The following USP33 variants were observed in gnomAD, a reference collection of about 807,000 sequenced individuals.
USP33 encodes ubiquitin specific peptidase 33.
In USP33, 46 loss-of-function variants were observed where a neutral mutation model predicts 124.2. The ratio of observed to expected loss-of-function variants is 0.37; its 90% confidence interval spans 0.29 to 0.47. The LOEUF (loss-of-function observed/expected upper bound fraction) is 0.47. Ranked by LOEUF, USP33 falls within the 20% of genes least tolerant of loss-of-function variation. The pLI is 0.99. For missense variants in USP33, 851 were observed against 1,070.6 expected (o/e 0.79, Z 2.86); for synonymous variants, 350 against 352.3 (o/e 0.99, Z 0.07).
At chr1:77,699,726 T>C (rs191118621) in intron 22 of USP33, among the ~76,000 whole-genome samples, 16 of 152,292 alleles carry the variant, frequency 1.1e-4, no homozygotes, top group African/African-American at 3.9e-4. Flanking sequence ...CATTCTATTA[T>C]AAAGATACAT....
At chr1:77,728,243 T>A (rs1363083646) in intron 10 of USP33, 52 bp downstream of exon 10, 5 of 1,492,298 alleles carry the variant, frequency 3.4e-6, no homozygotes, top group Non-Finnish European at 4.5e-6. Flanking sequence ...TAAACACCCA[T>A]GTCTACAAAT....
intron 11 of USP33, among the ~76,000 whole-genome samples, chr1:77,724,102 G>A (rs1299486497): frequency 6.6e-6 from 1 of 152,092 alleles, no homozygotes; most frequent in Admixed American, 6.5e-5. Context: ...CAAGTCAAAA[G>A]AAGAGGGGAA....
intron 1 of USP33, among the ~76,000 whole-genome samples, chr1:77,743,322 C>CT (rs1197638448): frequency 3.9e-5 from 6 of 152,036 alleles, no homozygotes; most frequent in Non-Finnish European, 8.8e-5. Flanking sequence ...TTTTATTATA[C>CT]TTTAAGTTCT....
intron 15 of USP33, 76 bp downstream of exon 15, chr1:77,721,096 T>A (rs1676513104): frequency 6.5e-7 from 1 of 1,534,794 alleles, no homozygotes; most frequent in African/African-American, 1.4e-5. Flanking sequence ...GTGGCAAATT[T>A]AACTCCACAT....
chr1:77,758,615 C>A (rs1681026321), intron 1 of USP33, among the ~76,000 whole-genome samples: 1 of 152,068 alleles, frequency 6.6e-6, no homozygotes, highest in African/African-American at 2.4e-5. Flanking sequence ...AGTATGAATT[C>A]ACTAACAATA....
At chr1:77,711,039 T>G (rs1015288067) in intron 21 of USP33, among the ~76,000 whole-genome samples, 2 of 152,120 alleles carry the variant, frequency 1.3e-5, no homozygotes, top group African/African-American at 4.8e-5. Context: ...AGTGAGTATA[T>G]TTATAAGCCC....
Position 77,713,275 on chromosome 1 carries a change from G to C in USP33, c.2222C>G (p.Pro741Arg). 1 of 1,567,846 alleles carries C rather than the reference G, an allele frequency of 6.4e-7. No homozygotes were observed. The highest frequency in any genetic ancestry group is 8.6e-7 in the Non-Finnish European group (1 of 1,165,792). ...TTCAATATAACCAGCTTTTCTTGGA[G>C]GAACACCTAAAAAAATATATAAACA... ...NDFLCIHGGV[P>R]PRKAGYIEDL... The change falls in exon 20 of 24, where the codon CCT (proline) becomes CGT (arginine). Residue 741 changes from proline to arginine, a missense_variant. Physicochemically the swap from Pro to Arg is moderately radical, Grantham distance 103 (BLOSUM62 -2). Coordinates refer to ENST00000370794, the MANE Select transcript of USP33 (RefSeq NM_201624.3).
At chr1:77,702,171 A>C (rs941046194) in intron 21 of USP33, among the ~76,000 whole-genome samples, 14 of 124,886 alleles carry the variant, frequency 1.1e-4, no homozygotes, top group Non-Finnish European at 1.8e-4. Flanking sequence ...AAAAAAAAAA[A>C]AAAAAACCAG....
At chr1:77,755,614 C>T (rs1252688407) in intron 1 of USP33, among the ~76,000 whole-genome samples, 2 of 152,204 alleles carry the variant, frequency 1.3e-5, no homozygotes, top group African/African-American at 4.8e-5. Flanking sequence ...GTGAGAACTG[C>T]TTGAACGCAG....
intron 22 of USP33, among the ~76,000 whole-genome samples, chr1:77,698,591 C>T (rs1673667079): frequency 6.6e-6 from 1 of 150,872 alleles, no homozygotes; most frequent in African/African-American, 2.4e-5. Context: ...AGCTCCGCCT[C>T]CCAGGTTCAT....
intron 1 of USP33, among the ~76,000 whole-genome samples, chr1:77,747,767 A>C (rs1181966541): frequency 6.6e-6 from 1 of 152,222 alleles, no homozygotes; most frequent in Admixed American, 6.5e-5. Flanking sequence ...TATTTCTATA[A>C]GGCTTTGATC....
chr1:77,697,625 G>A, intron 23 of USP33, 151 bp from the exon 24 acceptor site: 2 of 1,007,388 alleles, frequency 2.0e-6, no homozygotes, highest in Non-Finnish European at 2.8e-6. Flanking sequence ...ATTGTTATAA[G>A]CTGAAACATA....
At chr1:77,743,787 T>C (rs1679402187) in intron 1 of USP33, among the ~76,000 whole-genome samples, 1 of 152,156 alleles carries the variant, frequency 6.6e-6, no homozygotes, top group Admixed American at 6.5e-5. Context: ...GCCTCAATAA[T>C]CGGAAGAAAT....
chr1:77,756,202 C>T (rs2101625183), intron 1 of USP33, among the ~76,000 whole-genome samples: 1 of 152,286 alleles, frequency 6.6e-6, no homozygotes, highest in South Asian at 2.1e-4. Flanking sequence ...TTCAGCCTCC[C>T]AAGTGACTGA....
At chr1:77,730,107 C>A (rs2101470116) in intron 8 of USP33, among the ~76,000 whole-genome samples, 169 bp from the exon 9 acceptor site, 1 of 152,194 alleles carries the variant, frequency 6.6e-6, no homozygotes, top group East Asian at 1.9e-4. Flanking sequence ...ACACCTTATC[C>A]TTGATATTTT....
chr1:77,718,593 T>C lies in USP33; in HGVS notation c.1737+3A>G, dbSNP rs752855697. The C allele has an allele frequency of 3.1e-6, 5 of 1,600,266 alleles. No homozygotes were observed. The African/African-American group carries it at 5.4e-5, about 17-fold the overall frequency. On this transcript the variant is annotated splice_donor_region_variant and intron_variant, in intron 16 of 23. Transcript: ENST00000370794. ...ATAAGTTGAATTAAAATAATGCCCATACCTCAGGAAAGTTTTGTACTTTAC... is the reference window on the plus strand; with the variant it reads ...ATAAGTTGAATTAAAATAATGCCCACACCTCAGGAAAGTTTTGTACTTTAC...
At chr1:77,735,714 G>A (rs938244585) in intron 6 of USP33, among the ~76,000 whole-genome samples, 12 of 152,078 alleles carry the variant, frequency 7.9e-5, no homozygotes, top group African/African-American at 2.4e-4. Flanking sequence ...TGTTTTCCCC[G>A]GAACTTCTGC....
Position 77,711,730 on chromosome 1 carries a change from A to C in USP33, c.2406+17T>G. The C allele has an allele frequency of 6.3e-7, 1 of 1,597,946 alleles. No homozygotes were observed. The highest frequency in any genetic ancestry group is 8.5e-7 in the Non-Finnish European group (1 of 1,176,612). Reference sequence around the variant, plus strand: ...CATCTTTATCCTAGATCAATTTGAAAAGCATCACTTTTTTACCCGAATAAA... The same window carrying C: ...CATCTTTATCCTAGATCAATTTGAACAGCATCACTTTTTTACCCGAATAAA... On this transcript the variant is annotated intron_variant, in intron 21 of 23. Transcript: ENST00000370794.
In USP33 at chr1:77,757,909, ATAC is replaced by A. The variant is rs562877991; in HGVS notation, c.-52+1731_-52+1733del. 2.0e-5 allele frequency among the ~76,000 whole-genome samples: 3 copies of A among 152,342 alleles called. No homozygotes were observed. The South Asian group carries it at 6.2e-4, about 32-fold the overall frequency. ...AAGTGAAAGGTCACAGAAAATTCTAATACTACTACATAAATGTAAGAATTATCA... is the reference window on the plus strand; with the variant it reads ...AAGTGAAAGGTCACAGAAAATTCTAATACTACATAAATGTAAGAATTATCA... On this transcript the variant is annotated intron_variant, in intron 1 of 23. Transcript: ENST00000370794.
Sources: gnomAD v4.1 joint callset for allele counts (sites outside exome capture counted in the v4.1 genomes callset) on GRCh38, gnomAD v4.1.1 for gene constraint, MANE v1.5 for transcripts, NCBI Gene and HGNC (gene_info 2026-07-23, HGNC 2026-07-21) for gene names.